Variants in ADAMTS19 observed in about 807,000 individuals in gnomAD.
ADAMTS19 encodes A disintegrin and metalloproteinase with thrombospondin motifs 19.
ADAMTS19 carries 93 observed loss-of-function variants against 153.3 expected under a neutral mutation model. That is an observed-to-expected ratio of 0.61 (90% CI 0.51 to 0.72). The LOEUF (loss-of-function observed/expected upper bound fraction) is 0.72. Ranked by LOEUF, ADAMTS19 falls within the 30% of genes least tolerant of loss-of-function variation. The pLI, the probability that ADAMTS19 is intolerant of heterozygous loss-of-function variation, is 0.00. For synonymous variants in ADAMTS19, 600 were observed against 556.6 expected (o/e 1.08, Z -1.10); for missense variants, 1,482 against 1,552.1 (o/e 0.95, Z 0.76).
At position 129,602,817 on chromosome 5, in the gene ADAMTS19, T is replaced by A. The variant is rs991828631; in HGVS notation, c.1478+6153T>A. On this transcript the variant is annotated intron_variant, in intron 8 of 22. Coordinates refer to ENST00000274487, the MANE Select transcript of ADAMTS19 (RefSeq NM_133638.6). ...GGAAACACATTTTTGTATTGTTGTC[T>A]TATATTCTCTGTGTGTGTGTGTGTG... 1.5e-3 allele frequency among the ~76,000 whole-genome samples: 210 copies of A among 142,444 alleles called. 1 individual carries two copies. Among genetic ancestry groups the A allele is most frequent in the East Asian group, 8.3e-4 (4 of 4,840 alleles). The allele number at this position is 142,444 out of a possible 152,430, so 93.4% of individuals were successfully genotyped here.
intron 7 of ADAMTS19, among the ~76,000 whole-genome samples, chr5:129,553,562 A>G (rs1436372877): frequency 6.6e-6 from 1 of 152,094 alleles, no homozygotes; most frequent in Non-Finnish European, 1.5e-5. Context: ...ATCAGTTTTA[A>G]ATATTACAGC....
intron 11 of ADAMTS19, among the ~76,000 whole-genome samples, chr5:129,647,363 A>G (rs1404962580): frequency 6.6e-6 from 1 of 152,130 alleles, no homozygotes; most frequent in Non-Finnish European, 1.5e-5. Context: ...GACGTAGGAC[A>G]TTTATTTCTT....
intron 2 of ADAMTS19, among the ~76,000 whole-genome samples, chr5:129,486,061 G>T (rs1750581210): frequency 6.6e-6 from 1 of 152,118 alleles, no homozygotes; most frequent in South Asian, 2.1e-4. Flanking sequence ...AAACTGCTGG[G>T]ATTACAGACG....
chr5:129,505,269 G>C (rs1035076078), intron 2 of ADAMTS19, among the ~76,000 whole-genome samples: 1 of 152,122 alleles, frequency 6.6e-6, no homozygotes, highest in Non-Finnish European at 1.5e-5. Flanking sequence ...GATAATTGTA[G>C]TAGTACTTTG....
At chr5:129,725,744 A>G (rs939205799) in intron 21 of ADAMTS19, among the ~76,000 whole-genome samples, 2 of 151,970 alleles carry the variant, frequency 1.3e-5, no homozygotes, top group South Asian at 4.2e-4. Context: ...CTGCCTGACT[A>G]TCTAGCATAA....
chr5:129,645,885 A>ATTTTTT lies in ADAMTS19; in HGVS notation c.1873-1864_1873-1859dup, dbSNP rs529444004. Among the ~76,000 whole-genome samples, 209 of 97,096 alleles carry ATTTTTT rather than the reference A, an allele frequency of 2.2e-3. 12 individuals are homozygous for ATTTTTT. Among genetic ancestry groups the ATTTTTT allele is most frequent in the African/African-American group, 8.0e-3 (179 of 22,504 alleles). 63.7% of individuals were successfully genotyped at this position (97,096 alleles called of 152,430 possible). A position where few individuals can be genotyped will look rare whatever the true frequency, so the allele number is the denominator to read the frequency against. On this transcript the variant is annotated intron_variant, in intron 11 of 22. Coordinates refer to ENST00000274487, the MANE Select transcript of ADAMTS19 (RefSeq NM_133638.6). ...CACATGGTTTCTTTCTCCTTTTCCA[A>ATTTTTT]TTTTTTTTTTTTTTTTTTTTTGAGA...
At chr5:129,702,929 C>CAA (rs376208133) in intron 20 of ADAMTS19, among the ~76,000 whole-genome samples, 5,684 of 40,264 alleles carry the variant, frequency 0.14, 211 homozygotes, top group Non-Finnish European at 0.21. Context: ...TTTGACTTGC[C>CAA]AAAAAAAAAA....
chr5:129,713,082 A>G (rs904192503), intron 21 of ADAMTS19, among the ~76,000 whole-genome samples: 3 of 152,184 alleles, frequency 2.0e-5, no homozygotes, highest in Non-Finnish European at 2.9e-5. Context: ...CTCCTAAACC[A>G]TATCTCAGAT....
chr5:129,725,649 TAAC>T (rs1757176778), intron 21 of ADAMTS19, among the ~76,000 whole-genome samples: 2 of 152,146 alleles, frequency 1.3e-5, no homozygotes, highest in South Asian at 4.2e-4. Context: ...GAGAGACAGT[TAAC>T]AACCTCCTGA....
chr5:129,635,276 G>T (rs2127008557), intron 10 of ADAMTS19, among the ~76,000 whole-genome samples: 1 of 152,264 alleles, frequency 6.6e-6, no homozygotes, highest in South Asian at 2.1e-4. Flanking sequence ...GATGAGATGT[G>T]GAGAAAAGGG....
At chr5:129,680,052 AT>A in intron 17 of ADAMTS19, 131 bp downstream of exon 17, 1 of 1,037,718 alleles carries the variant, frequency 9.6e-7, no homozygotes, top group Non-Finnish European at 1.3e-6. Flanking sequence ...AAAAAGTGGA[AT>A]TTTTAGAGGT....
intron 11 of ADAMTS19, 116 bp from the exon 12 acceptor site, chr5:129,647,649 C>T (rs1201585657): frequency 1.6e-6 from 2 of 1,233,212 alleles, no homozygotes; most frequent in East Asian, 2.4e-5. Context: ...CCTAATTCCC[C>T]ATGTTTGTGG....
At chr5:129,540,852 T>C (rs886463995) in intron 6 of ADAMTS19, among the ~76,000 whole-genome samples, 2 of 152,114 alleles carry the variant, frequency 1.3e-5, no homozygotes, top group African/African-American at 4.8e-5. Flanking sequence ...AGTCTAACAG[T>C]GTCATTTCTA....
chr5:129,703,735 GA>G (rs199733119), intron 20 of ADAMTS19, among the ~76,000 whole-genome samples: 1 of 150,864 alleles, frequency 6.6e-6, no homozygotes, highest in Non-Finnish European at 1.5e-5. Context: ...CCATCTCAAA[GA>G]AAAAAAAATC....
At chr5:129,638,978 CATATT>C (rs1377795326) in intron 10 of ADAMTS19, among the ~76,000 whole-genome samples, 5 of 152,106 alleles carry the variant, frequency 3.3e-5, no homozygotes, top group African/African-American at 9.7e-5. Context: ...CATCCAAGTA[CATATT>C]ATATTCTTTT....
At chr5:129,632,783 T>C (rs1411255091) in intron 10 of ADAMTS19, among the ~76,000 whole-genome samples, 1 of 152,080 alleles carries the variant, frequency 6.6e-6, no homozygotes, top group Admixed American at 6.6e-5. Flanking sequence ...TCCCTGTAAG[T>C]AATCTGTTGT....
rs150725986 is a variant in ADAMTS19, at chr5:129,630,622, G to T, written c.1770+8274G>T. 3.1e-3 allele frequency among the ~76,000 whole-genome samples: 478 copies of T among 151,888 alleles called. 2 individuals are homozygous for T. Among genetic ancestry groups the T allele is most frequent in the Middle Eastern group, 0.014 (4 of 294 alleles). On this transcript the variant is annotated intron_variant, in intron 10 of 22. Coordinates refer to ENST00000274487, the MANE Select transcript of ADAMTS19 (RefSeq NM_133638.6). Reference sequence around the variant, plus strand: ...TAAATGTATTATTGACCTAAATGTGGAATCTACAAAACTATAAAACTTCAG... The same window carrying T: ...TAAATGTATTATTGACCTAAATGTGTAATCTACAAAACTATAAAACTTCAG...
chr5:129,500,855 G>T (rs1176192895), intron 2 of ADAMTS19, among the ~76,000 whole-genome samples: 1 of 152,052 alleles, frequency 6.6e-6, no homozygotes. Flanking sequence ...ATAAAATTAT[G>T]ATATATTTAG....
At chr5:129,705,812 T>TA (rs1246379768) in intron 21 of ADAMTS19, among the ~76,000 whole-genome samples, 72 of 152,328 alleles carry the variant, frequency 4.7e-4, no homozygotes, top group African/African-American at 1.7e-3. Context: ...AGTCAAGAGA[T>TA]ACGGAGGACA....
Sources: allele counts gnomAD v4.1 joint callset (sites outside exome capture counted in the v4.1 genomes callset), GRCh38; gene constraint gnomAD v4.1.1; transcripts MANE v1.5; gene names NCBI Gene and HGNC (gene_info 2026-07-23, HGNC 2026-07-21).